Variants in KIF1B observed in about 807,000 individuals in gnomAD.
KIF1B encodes kinesin-like protein KIF1B.
In KIF1B, 76 loss-of-function variants were observed where a neutral mutation model predicts 241.9. That is an observed-to-expected ratio of 0.31 (90% confidence interval 0.26 to 0.38). KIF1B has a LOEUF of 0.38. Ranked by LOEUF, KIF1B falls within the 10% of genes least tolerant of loss-of-function variation. KIF1B has a pLI of 1.00. For synonymous variants in KIF1B, 750 were observed against 796.7 expected (o/e 0.94, Z 0.99); for missense variants, 1,622 against 2,271.4 (o/e 0.71, Z 5.81).
At chr1:10,218,247 T>A (rs1019433947) in intron 1 of KIF1B, among the ~76,000 whole-genome samples, 24 of 152,096 alleles carry the variant, frequency 1.6e-4, no homozygotes, top group African/African-American at 5.8e-4. Context: ...CCTTTATTGC[T>A]GAAACCAGGA....
intron 2 of KIF1B, among the ~76,000 whole-genome samples, chr1:10,254,760 C>T (rs1647669531): frequency 6.6e-6 from 1 of 151,052 alleles, no homozygotes; most frequent in Non-Finnish European, 1.5e-5. Context: ...GCCTGTAGTC[C>T]TAGCTACTCA....
chr1:10,256,347 C>G, intron 3 of KIF1B, 24 bp downstream of exon 3: 4 of 1,415,482 alleles, frequency 2.8e-6, no homozygotes, highest in Non-Finnish European at 3.0e-6. Context: ...TGCCACAGCA[C>G]TGCCAGCTCC....
chr1:10,267,358 C>T, intron 5 of KIF1B, 22 bp from the exon 6 acceptor site: 1 of 1,610,222 alleles, frequency 6.2e-7, no homozygotes, highest in Non-Finnish European at 8.5e-7. Flanking sequence ...CACTCTAATT[C>T]ACTTTACTAA....
At chr1:10,239,152 A>G (rs999728459) in intron 2 of KIF1B, among the ~76,000 whole-genome samples, 2 of 151,898 alleles carry the variant, frequency 1.3e-5, no homozygotes, top group Non-Finnish European at 2.9e-5. Flanking sequence ...TCTACAAAAA[A>G]CCATGTTGCC....
intron 1 of KIF1B, among the ~76,000 whole-genome samples, chr1:10,220,575 T>C (rs1646832124): frequency 6.6e-6 from 1 of 152,052 alleles, no homozygotes; most frequent in African/African-American, 2.4e-5. Context: ...GAGGCTGAGG[T>C]ACAGCCAAGG....
Position 10,210,971 on chromosome 1 carries a change from G to C in KIF1B, c.-80+93G>C, listed in dbSNP as rs1417235766. 1 of 151,828 alleles carries C rather than the reference G, an allele frequency of 6.6e-6. No individual in the cohort carries two copies. The highest frequency in any genetic ancestry group is 6.6e-5 in the Admixed American group (1 of 15,230). The allele number at this position is 151,828 out of a possible 1,614,324, so 9.4% of individuals were successfully genotyped here. On this transcript the variant is annotated intron_variant, in intron 1 of 48. Coordinates refer to ENST00000676179, the MANE Select transcript of KIF1B (RefSeq NM_001365951.3). This position sits in a 1 kb window ranked among gnomAD's most constrained non-coding sequence, Gnocchi z 4.1. ...GGGAGGAGCGGCCGGGCCGGGGTCC[G>C]GGCGGGGTCTGAGGGGAGGTAGCGC...
chr1:10,354,713 G>C (rs1156327782), intron 38 of KIF1B, among the ~76,000 whole-genome samples: 3 of 152,190 alleles, frequency 2.0e-5, no homozygotes, highest in African/African-American at 7.2e-5. Flanking sequence ...CATTTGATAA[G>C]CACTCAACTC....
intron 34 of KIF1B, chr1:10,344,995 C>T (rs934124609): frequency 6.6e-6 from 1 of 152,112 alleles, no homozygotes; most frequent in South Asian, 2.1e-4. Flanking sequence ...GAGTTAGAGA[C>T]CAGCCTGGGC....
chr1:10,307,793 G>A, intron 22 of KIF1B: 4 of 1,038,242 alleles, frequency 3.9e-6, no homozygotes, highest in Non-Finnish European at 3.5e-6. Flanking sequence ...GAATATAGAG[G>A]AGTCCTAATT....
intron 38 of KIF1B, among the ~76,000 whole-genome samples, chr1:10,356,687 G>C (rs1020900196): frequency 6.6e-6 from 1 of 152,046 alleles, no homozygotes; most frequent in African/African-American, 2.4e-5. Flanking sequence ...GGATCATGAG[G>C]TCAAGAGATC....
chr1:10,373,565 G>A (rs1392381280), intron 45 of KIF1B, among the ~76,000 whole-genome samples: 3 of 151,910 alleles, frequency 2.0e-5, no homozygotes, highest in East Asian at 3.9e-4. Flanking sequence ...AAAGAATGAA[G>A]TATGAGAAAA....
intron 33 of KIF1B, among the ~76,000 whole-genome samples, chr1:10,342,452 A>G (rs1652432585): frequency 6.6e-6 from 1 of 152,222 alleles, no homozygotes; most frequent in South Asian, 2.1e-4. Flanking sequence ...TAACATGAAA[A>G]TTGTTAAAAA....
chr1:10,274,284 C>T (rs1029420252), intron 10 of KIF1B, among the ~76,000 whole-genome samples: 9 of 152,086 alleles, frequency 5.9e-5, no homozygotes, highest in Admixed American at 1.3e-4. Flanking sequence ...AGTCAGCCAG[C>T]ATATATTTGA....
In KIF1B at chr1:10,330,269, T is replaced by G. The variant is rs557300343; in HGVS notation, c.2924+3910T>G. Among the ~76,000 whole-genome samples the G allele has an allele frequency of 5.9e-5, 9 of 152,332 alleles. No individual in the cohort carries two copies. The South Asian group carries it at 1.9e-3, about 32-fold the overall frequency. On this transcript the variant is annotated intron_variant, in intron 27 of 48. Coordinates refer to ENST00000676179, the MANE Select transcript of KIF1B (RefSeq NM_001365951.3). The stretch of plus-strand genomic sequence containing the variant: ...GCTATATTCTGGTAACATAACAAGG[T>G]GCTATCTAGTGAATGTGTGATTGTG...
chr1:10,332,500 C>A (rs1468245131), intron 27 of KIF1B, among the ~76,000 whole-genome samples: 4 of 97,846 alleles, frequency 4.1e-5, no homozygotes, highest in African/African-American at 1.2e-4. Context: ...AGATAATAGT[C>A]ATTTTTTTTT....
At chr1:10,340,248 T>A (rs1652342342) in intron 32 of KIF1B, among the ~76,000 whole-genome samples, 1 of 152,244 alleles carries the variant, frequency 6.6e-6, no homozygotes, top group Admixed American at 6.5e-5. Context: ...AAATACCTTC[T>A]GTAGCTAAAT....
At position 10,275,448 on chromosome 1, in the gene KIF1B, A is replaced by G; in HGVS notation, c.903A>G (p.Thr301=). The stretch of plus-strand genomic sequence containing the variant: ...AATAGAGTAAAAAGAAGAAGAAAAC[A>G]GATTTTATTCCCTACAGGGATTCTG... The part of the protein sequence containing the change: ...CTSKSKKKKK[T]DFIPYRDSVL... The change falls in exon 11 of 49, where the codon ACA becomes ACG. Residue 301 remains threonine, a synonymous_variant. Transcript: ENST00000676179. 1 of 1,585,802 alleles carries G rather than the reference A, an allele frequency of 6.3e-7. No individual in the cohort carries two copies. Among genetic ancestry groups the G allele is most frequent in the East Asian group, 2.2e-5 (1 of 44,698 alleles).
chr1:10,370,110 G>A (rs543984017), intron 44 of KIF1B, among the ~76,000 whole-genome samples: 7 of 151,916 alleles, frequency 4.6e-5, no homozygotes, highest in Non-Finnish European at 7.4e-5. Flanking sequence ...AAAATTAGCC[G>A]GGCGTGGTGG....
At chr1:10,261,092 G>T (rs917017394) in intron 4 of KIF1B, among the ~76,000 whole-genome samples, 13 of 151,324 alleles carry the variant, frequency 8.6e-5, no homozygotes, top group African/African-American at 3.2e-4. Flanking sequence ...TTAGCCTCCT[G>T]AGTAGCTGGG....
Sources: gnomAD v4.1 joint callset for allele counts (sites outside exome capture counted in the v4.1 genomes callset) on GRCh38, gnomAD v4.1.1 for gene constraint, Gnocchi (gnomAD v3.1) non-coding constraint, MANE v1.5 for transcripts, NCBI Gene and HGNC (gene_info 2026-07-23, HGNC 2026-07-21) for gene names.